Variants in TLCD4 observed in about 807,000 individuals in gnomAD.
The protein encoded by TLCD4 is TLC domain-containing protein 4.
In TLCD4, 7 loss-of-function variants were observed where a neutral mutation model predicts 24.2. The observed-to-expected ratio is 0.29, with a 90% CI of 0.16 to 0.54. The LOEUF is 0.54. Ranked by LOEUF, TLCD4 falls within the 20% of genes least tolerant of loss-of-function variation. The probability of loss-of-function intolerance (pLI) is 0.95; values close to 1 mark genes in which losing one functional copy is unlikely to be tolerated. For missense variants in TLCD4, 259 were observed against 313.9 expected, an observed-to-expected ratio of 0.82 and a Z score of 1.32; for synonymous variants, 103 against 106.4, an observed-to-expected ratio of 0.97 and a Z score of 0.20.
chr1:95,136,017 T>G (rs934677034), intron 1 of TLCD4, among the ~76,000 whole-genome samples: 1 of 151,672 alleles, frequency 6.6e-6, no homozygotes, highest in African/African-American at 2.4e-5. Flanking sequence ...CCACTGAGCC[T>G]GGCCTGCTCT....
chr1:95,098,917 C>T, the TLCD4 span, among the ~76,000 whole-genome samples: 57 of 151,444 alleles, frequency 3.8e-4, no homozygotes, highest in South Asian at 1.3e-3. Flanking sequence ...CAAAATTAGC[C>T]GGGTGTGGTG....
At chr1:95,158,491 C>G (rs1046382577) in intron 5 of TLCD4, among the ~76,000 whole-genome samples, 2 of 124,094 alleles carry the variant, frequency 1.6e-5, no homozygotes, top group Non-Finnish European at 3.8e-5. Flanking sequence ...CCTCTTGATA[C>G]TTCATTTATT....
At chr1:95,145,547 T>C (rs1677320622) in intron 2 of TLCD4, among the ~76,000 whole-genome samples, 1 of 152,216 alleles carries the variant, frequency 6.6e-6, no homozygotes, top group African/African-American at 2.4e-5. Flanking sequence ...ACAAAAATAT[T>C]GTTCAAATGC....
At chr1:95,162,806 C>G (rs113385570) in intron 5 of TLCD4, among the ~76,000 whole-genome samples, 11,932 of 152,214 alleles carry the variant, frequency 0.078, 631 homozygotes, top group South Asian at 0.1. Flanking sequence ...AAGTTCTTTA[C>G]TTTAAGAATG....
At chr1:95,189,283 C>G (rs1678942577) in intron 6 of TLCD4, among the ~76,000 whole-genome samples, 1 of 152,168 alleles carries the variant, frequency 6.6e-6, no homozygotes, top group Non-Finnish European at 1.5e-5. Context: ...TCTTTGAAGT[C>G]ACTTAGGTCA....
chr1:95,132,949 C>T (rs1676935219), intron 1 of TLCD4, among the ~76,000 whole-genome samples: 1 of 151,996 alleles, frequency 6.6e-6, no homozygotes, highest in Admixed American at 6.6e-5. Context: ...ACAGCTATTC[C>T]AGGAGAGTGA....
intron 1 of TLCD4, among the ~76,000 whole-genome samples, chr1:95,136,682 T>C (rs984955412): frequency 2.6e-5 from 4 of 152,192 alleles, no homozygotes; most frequent in African/African-American, 9.7e-5. Flanking sequence ...TTTTTTGGTA[T>C]TTTTCATAAG....
At chr1:95,191,031 A>G (rs1252929854) in intron 6 of TLCD4, among the ~76,000 whole-genome samples, 1 of 152,178 alleles carries the variant, frequency 6.6e-6, no homozygotes, top group African/African-American at 2.4e-5. Flanking sequence ...TGTTGTATCT[A>G]AAATAGCACC....
chr1:95,148,915 G>C, intron 3 of TLCD4, 124 bp downstream of exon 3: 1 of 1,263,108 alleles, frequency 7.9e-7, no homozygotes, highest in Non-Finnish European at 1.1e-6. Flanking sequence ...TAAAATGCTT[G>C]TGCTCAGACA....
At chr1:95,190,461 T>C (rs1678987378) in intron 6 of TLCD4, among the ~76,000 whole-genome samples, 1 of 152,164 alleles carries the variant, frequency 6.6e-6, no homozygotes, top group Non-Finnish European at 1.5e-5. Flanking sequence ...TCTGAGTAGC[T>C]GGGATTACAG....
At chr1:95,124,274 C>A (rs1337285245) in intron 1 of TLCD4, among the ~76,000 whole-genome samples, 4 of 152,102 alleles carry the variant, frequency 2.6e-5, no homozygotes, top group African/African-American at 7.2e-5. Context: ...TCTTTCCTTA[C>A]TAAAAGTTCT....
chr1:95,116,328 C>T (rs1374794116), upstream of TLCD4, among the ~76,000 whole-genome samples: 1 of 152,086 alleles, frequency 6.6e-6, no homozygotes, highest in Admixed American at 6.6e-5. Flanking sequence ...ATTCTATTGC[C>T]CTCTCTTGAA....
chr1:95,141,282 A>G (rs956558244), intron 1 of TLCD4, among the ~76,000 whole-genome samples: 11 of 147,050 alleles, frequency 7.5e-5, no homozygotes, highest in African/African-American at 2.7e-4. Context: ...TTTTAAATAC[A>G]GTAGTTAAAT....
chr1:95,193,873 C>A lies in TLCD4; in HGVS notation c.*2005C>A, dbSNP rs949045333. ...GGAAAGCAAGCGGTTTTATCTTGTT[C>A]TTACCTTTTTGCAGGAAAAGTGGCT... On this transcript the variant is annotated 3_prime_UTR_variant, in exon 7 of 7. Coordinates refer to ENST00000370203, the MANE Select transcript of TLCD4 (RefSeq NM_152487.3). 3 of 151,956 alleles carry A rather than the reference C, an allele frequency of 2.0e-5. No homozygotes were observed. The highest frequency in any genetic ancestry group is 7.2e-5 in the African/African-American group (3 of 41,414). The allele number at this position is 151,956 out of a possible 1,614,324, so 9.4% of individuals were successfully genotyped here.
chr1:95,163,102 A>C (rs1007320658), intron 5 of TLCD4: 4 of 152,194 alleles, frequency 2.6e-5, no homozygotes, highest in African/African-American at 9.7e-5. Flanking sequence ...AGTGTTTTCC[A>C]ACTTGGTTCC....
At chr1:95,170,272 C>A (rs189970906) in intron 5 of TLCD4, among the ~76,000 whole-genome samples, 14 of 150,814 alleles carry the variant, frequency 9.3e-5, no homozygotes, top group African/African-American at 3.4e-4. Flanking sequence ...TTTAATGCTT[C>A]ATGTTTATTA....
chr1:95,139,174 C>CAAAAAAAAAAA (rs71097248), intron 1 of TLCD4, among the ~76,000 whole-genome samples: 4 of 76,794 alleles, frequency 5.2e-5, no homozygotes, highest in Non-Finnish European at 8.0e-5. Flanking sequence ...GAACCTGTGT[C>CAAAAAAAAAAA]AAAAAAAAAA....
At chr1:95,170,431 G>C (rs1038898740) in intron 5 of TLCD4, among the ~76,000 whole-genome samples, 27 of 149,046 alleles carry the variant, frequency 1.8e-4, no homozygotes, top group Admixed American at 9.6e-4. Context: ...CCAGGTTCAC[G>C]CCATTCTCCT....
At chr1:95,121,556 C>T (rs572419695) in intron 1 of TLCD4, among the ~76,000 whole-genome samples, 1 of 152,294 alleles carries the variant, frequency 6.6e-6, no homozygotes, top group African/African-American at 2.4e-5. Flanking sequence ...CTGCAACTTC[C>T]GCCTCCCGGC....
Sources: gnomAD v4.1 joint callset for allele counts (sites outside exome capture counted in the v4.1 genomes callset) on GRCh38, gnomAD v4.1.1 for gene constraint, MANE v1.5 for transcripts, NCBI Gene and HGNC (gene_info 2026-07-23, HGNC 2026-07-21) for gene names.